RIMS3: variants seen among roughly 807,000 people sequenced by gnomAD.
RIMS3 encodes the protein regulating synaptic membrane exocytosis protein 3.
RIMS3 carries 15 observed loss-of-function variants against 29.2 expected under a neutral mutation model. The ratio of observed to expected loss-of-function variants is 0.51; its 90% CI spans 0.34 to 0.79. The LOEUF (loss-of-function observed/expected upper bound fraction) is 0.79, where lower values mean the gene tolerates loss of function less well. Ranked by LOEUF, RIMS3 falls within the 30% of genes least tolerant of loss-of-function variation. RIMS3 has a pLI of 0.01. For missense variants in RIMS3, 342 were observed against 421.4 expected, an observed-to-expected ratio of 0.81 and a Z score of 1.65; for synonymous variants, 161 against 170.1, an observed-to-expected ratio of 0.95 and a Z score of 0.41.
At chr1:40,639,456 C>T (rs545172522) in intron 3 of RIMS3, among the ~76,000 whole-genome samples, 1 of 152,346 alleles carries the variant, frequency 6.6e-6, no homozygotes, top group South Asian at 2.1e-4. Context: ...TGAGAACTCA[C>T]TTCTCTTTTG....
At chr1:40,678,085 A>G in the RIMS3 span, among the ~76,000 whole-genome samples, 1 of 152,186 alleles carries the variant, frequency 6.6e-6, no homozygotes, top group African/African-American at 2.4e-5. Context: ...GAGAACCATC[A>G]GTCTATCCCT....
At chr1:40,628,334 G>A (rs1395927067) in intron 7 of RIMS3, among the ~76,000 whole-genome samples, 1 of 152,224 alleles carries the variant, frequency 6.6e-6, no homozygotes, top group Admixed American at 6.5e-5. Context: ...GAAGGCCTTT[G>A]TTGCTCTCAA....
At chr1:40,677,956 C>T in the RIMS3 span, among the ~76,000 whole-genome samples, 1 of 152,174 alleles carries the variant, frequency 6.6e-6, no homozygotes, top group South Asian at 2.1e-4. Flanking sequence ...CAGAAGTAAG[C>T]TAGGTTGGAT....
chr1:40,621,389 C>G lies in RIMS3; in HGVS notation c.*5128G>C, dbSNP rs146372144. On this transcript the variant is annotated 3_prime_UTR_variant, in exon 8 of 8. Transcript: ENST00000372684. The stretch of plus-strand genomic sequence containing the variant: ...AGAATAAAAGAGGGAGGACAAACCA[C>G]GAAGAGAGGAAAGCAGAGTCTGTTA... The G allele has an allele frequency of 6.6e-6, 1 of 152,146 alleles. No individual in the cohort carries two copies. Among genetic ancestry groups the G allele is most frequent in the Non-Finnish European group, 1.5e-5 (1 of 68,078 alleles). 9.4% of individuals were successfully genotyped at this position (152,146 alleles called of 1,614,324 possible).
intron 4 of RIMS3, among the ~76,000 whole-genome samples, chr1:40,634,332 G>T (rs144033967): frequency 4.9e-4 from 75 of 152,260 alleles, no homozygotes; most frequent in African/African-American, 1.7e-3. Flanking sequence ...CACCCCACAG[G>T]GAGGGGCTTC....
chr1:40,675,894 C>T, the RIMS3 span, among the ~76,000 whole-genome samples: 3 of 151,916 alleles, frequency 2.0e-5, no homozygotes, highest in Non-Finnish European at 2.9e-5. Flanking sequence ...TGGCACTGTA[C>T]TCCAGCCTGG....
chr1:40,682,352 G>T, the RIMS3 span, among the ~76,000 whole-genome samples: 3 of 152,126 alleles, frequency 2.0e-5, no homozygotes, highest in Non-Finnish European at 2.9e-5. Flanking sequence ...TCTAGCCACA[G>T]TGTAAGTGCT....
At chr1:40,634,136 G>T (rs1557668366) in intron 4 of RIMS3, among the ~76,000 whole-genome samples, 1 of 152,110 alleles carries the variant, frequency 6.6e-6, no homozygotes, top group Non-Finnish European at 1.5e-5. Flanking sequence ...ATAGAATAAA[G>T]TTCTAAGATC....
In RIMS3 at chr1:40,636,942, G is replaced by C. The variant is rs183355242; in HGVS notation, c.218-885C>G. On this transcript the variant is annotated intron_variant, in intron 3 of 7. Coordinates refer to ENST00000372684, the MANE Select transcript of RIMS3 (RefSeq NM_014747.3). The surrounding 1 kb of genome is among the most constrained non-coding windows in gnomAD (Gnocchi z 4.2). ...CCTCTAGACACCCTCTCCTCCTGGC[G>C]GGGGGCGGATGGGGGAGATGGCCTG... Among the ~76,000 whole-genome samples the C allele has an allele frequency of 3.9e-5, 6 of 152,186 alleles. No homozygotes were observed. The highest frequency in any genetic ancestry group is 4.1e-4 in the South Asian group (2 of 4,826).
chr1:40,644,850 C>T (rs549852688), intron 2 of RIMS3, among the ~76,000 whole-genome samples: 44 of 152,288 alleles, frequency 2.9e-4, no homozygotes, highest in African/African-American at 1.0e-3. Context: ...CCTGGGCCCC[C>T]GGGCCTGGAA....
the RIMS3 span, among the ~76,000 whole-genome samples, chr1:40,689,327 G>T: frequency 5.3e-5 from 8 of 152,064 alleles, no homozygotes; most frequent in African/African-American, 1.9e-4. Flanking sequence ...TGTCGCCCAG[G>T]CTGGAGTGCA....
the RIMS3 span, among the ~76,000 whole-genome samples, chr1:40,687,278 C>A: frequency 6.6e-6 from 1 of 151,698 alleles, no homozygotes; most frequent in Middle Eastern, 3.2e-3. Flanking sequence ...CGTGAACAGG[C>A]TTAATGTCAC....
chr1:40,687,352 A>G, the RIMS3 span, among the ~76,000 whole-genome samples: 7 of 152,178 alleles, frequency 4.6e-5, no homozygotes, highest in Non-Finnish European at 1.0e-4. Context: ...CTGTAATCCC[A>G]GCACTTTGGG....
intron 2 of RIMS3, among the ~76,000 whole-genome samples, chr1:40,644,340 G>A (rs1646580504): frequency 6.6e-6 from 1 of 152,188 alleles, no homozygotes; most frequent in African/African-American, 2.4e-5. Context: ...AGAATCTATT[G>A]TCAAATTCCT....
At chr1:40,652,649 A>C (rs1010921108) in intron 1 of RIMS3, among the ~76,000 whole-genome samples, 3 of 152,206 alleles carry the variant, frequency 2.0e-5, no homozygotes, top group Non-Finnish European at 4.4e-5. Flanking sequence ...AGGTAGGTAC[A>C]ACTGCGGAAC....
At chr1:40,661,907 G>T (rs1026207446) in intron 1 of RIMS3, among the ~76,000 whole-genome samples, 1 of 152,178 alleles carries the variant, frequency 6.6e-6, no homozygotes, top group Non-Finnish European at 1.5e-5. Context: ...ACAAGGCCAC[G>T]ATACAGCTTA....
Position 40,625,619 on chromosome 1 carries a change from G to A in RIMS3, c.*898C>T, listed in dbSNP as rs1384486640. The A allele has an allele frequency of 6.6e-6, 1 of 152,212 alleles. No homozygotes were observed. Among genetic ancestry groups the A allele is most frequent in the African/African-American group, 2.4e-5 (1 of 41,424 alleles). The allele number at this position is 152,212 out of a possible 1,614,324, so 9.4% of individuals were successfully genotyped here. ...CAGGGCCACCCTCAGGGCCTCAGGA[G>A]GACTGTTTGCTTTAGCAGATAACAT... On this transcript the variant is annotated 3_prime_UTR_variant, in exon 8 of 8. Transcript: ENST00000372684.
chr1:40,687,251 TG>T, the RIMS3 span, among the ~76,000 whole-genome samples: 8 of 152,180 alleles, frequency 5.3e-5, no homozygotes, highest in African/African-American at 1.9e-4. Context: ...TGACAAATTC[TG>T]CTGATGGATG....
At chr1:40,691,918 C>T in the RIMS3 span, 1 of 338,474 alleles carries the variant, frequency 3.0e-6, no homozygotes, top group South Asian at 2.1e-5. Context: ...GAAGCGGCGG[C>T]GGGGGGAGGG....
Sources: gnomAD v4.1 joint callset for allele counts (sites outside exome capture counted in the v4.1 genomes callset) on GRCh38, gnomAD v4.1.1 for gene constraint, Gnocchi (gnomAD v3.1) non-coding constraint, MANE v1.5 for transcripts, NCBI Gene and HGNC (gene_info 2026-07-23, HGNC 2026-07-21) for gene names.